Variants in KCNIP4 observed in about 807,000 individuals in gnomAD.
KCNIP4 encodes the protein potassium voltage-gated channel interacting protein 4.
A neutral mutation model predicts 34.0 loss-of-function variants in KCNIP4; 12 were observed. The ratio of observed to expected loss-of-function variants is 0.35; its 90% CI spans 0.23 to 0.57. The LOEUF (loss-of-function observed/expected upper bound fraction) is 0.57. Ranked by LOEUF, KCNIP4 falls within the 20% of genes least tolerant of loss-of-function variation. KCNIP4 has a pLI of 0.83. For missense variants in KCNIP4, 238 were observed against 311.7 expected (o/e 0.76, Z 1.78); for synonymous variants, 124 against 102.2 (o/e 1.21, Z -1.29).
At chr4:21,249,495 G>T (rs1760532616) in intron 1 of KCNIP4, among the ~76,000 whole-genome samples, 2 of 151,872 alleles carry the variant, frequency 1.3e-5, no homozygotes. Flanking sequence ...TATGAATTTT[G>T]GCAAGCAATA....
At position 21,243,807 on chromosome 4, in the gene KCNIP4, A is replaced by C. The variant is rs186673972; in HGVS notation, c.62-361098T>G. ...GATGATTACAAAACCAAAAATCAACAAAAACCCTGTTTCTTGAGAGAGCAT... is the reference window on the plus strand; with the variant it reads ...GATGATTACAAAACCAAAAATCAACCAAAACCCTGTTTCTTGAGAGAGCAT... On this transcript the variant is annotated intron_variant, in intron 1 of 8. Coordinates refer to ENST00000382152, the MANE Select transcript of KCNIP4 (RefSeq NM_025221.6). Among the ~76,000 whole-genome samples, 213 of 152,266 alleles carry C rather than the reference A, an allele frequency of 1.4e-3. 1 individual carries two copies. The highest frequency in any genetic ancestry group is 4.8e-3 in the African/African-American group (198 of 41,564).
intron 1 of KCNIP4, among the ~76,000 whole-genome samples, chr4:20,935,334 T>C (rs962339728): frequency 2.6e-5 from 4 of 152,148 alleles, no homozygotes; most frequent in Admixed American, 6.5e-5. Flanking sequence ...ATGTCCAAAA[T>C]TGATGTCATC....
chr4:20,963,105 G>A (rs1734003255), intron 1 of KCNIP4, among the ~76,000 whole-genome samples: 1 of 152,066 alleles, frequency 6.6e-6, no homozygotes, highest in Non-Finnish European at 1.5e-5. Context: ...CAGATCACTT[G>A]AGGTGAGGGG....
In KCNIP4 at chr4:21,555,658, A is replaced by G. The variant is rs1446957538; in HGVS notation, c.61+392913T>C. Among the ~76,000 whole-genome samples, 3 of 152,156 alleles carry G rather than the reference A, an allele frequency of 2.0e-5. 1 individual carries two copies. Among genetic ancestry groups the G allele is most frequent in the South Asian group, 4.1e-4 (2 of 4,832 alleles). On this transcript the variant is annotated intron_variant, in intron 1 of 8. Transcript: ENST00000382152. ...ATACCTGAATCATTTTCAACAAAAC[A>G]TATGCTCAAATACTGGTGGAGATAA...
intron 1 of KCNIP4, among the ~76,000 whole-genome samples, chr4:20,995,725 C>T (rs1001078664): frequency 1.3e-5 from 2 of 152,204 alleles, no homozygotes; most frequent in African/African-American, 4.8e-5. Flanking sequence ...GCTCAGTAAT[C>T]TCTTCTTTAT....
At chr4:21,337,298 A>T (rs1051043398) in intron 1 of KCNIP4, among the ~76,000 whole-genome samples, 5 of 152,218 alleles carry the variant, frequency 3.3e-5, no homozygotes, top group African/African-American at 7.2e-5. Context: ...TGTGGAATCA[A>T]ATCTGCAAAT....
At chr4:21,554,579 T>C (rs894446928) in intron 1 of KCNIP4, among the ~76,000 whole-genome samples, 3 of 152,160 alleles carry the variant, frequency 2.0e-5, no homozygotes, top group Non-Finnish European at 4.4e-5. Context: ...TGTCTTTTCA[T>C]TATCTTGTGC....
intron 1 of KCNIP4, among the ~76,000 whole-genome samples, chr4:21,648,332 G>A (rs940525131): frequency 8.5e-5 from 13 of 152,154 alleles, no homozygotes; most frequent in African/African-American, 3.1e-4. Flanking sequence ...TGTGGCAAGT[G>A]TTTTAATTTA....
chr4:21,346,804 C>T (rs762097328), intron 1 of KCNIP4, among the ~76,000 whole-genome samples: 32 of 151,888 alleles, frequency 2.1e-4, no homozygotes, highest in Admixed American at 4.6e-4. Context: ...AACAGCAAAA[C>T]TATAACATAC....
intron 1 of KCNIP4, among the ~76,000 whole-genome samples, chr4:21,774,677 T>A (rs1719051721): frequency 6.6e-6 from 1 of 152,130 alleles, no homozygotes; most frequent in Non-Finnish European, 1.5e-5. Context: ...AGAATGCATA[T>A]CTTATTTCAG....
chr4:21,543,473 C>T (rs1043611724), intron 1 of KCNIP4, among the ~76,000 whole-genome samples: 1 of 151,808 alleles, frequency 6.6e-6, no homozygotes, highest in Non-Finnish European at 1.5e-5. Context: ...CCCCATGAAA[C>T]CTAAATTTGC....
chr4:21,359,893 A>T (rs764235584), intron 1 of KCNIP4, among the ~76,000 whole-genome samples: 3 of 152,162 alleles, frequency 2.0e-5, no homozygotes, highest in Non-Finnish European at 2.9e-5. Flanking sequence ...ATGAAGAAAT[A>T]TAATGTAGAA....
intron 1 of KCNIP4, among the ~76,000 whole-genome samples, chr4:21,411,785 C>T (rs1420592762): frequency 6.6e-6 from 1 of 152,124 alleles, no homozygotes; most frequent in Non-Finnish European, 1.5e-5. Context: ...CTGCAGTGAG[C>T]CGTGACCATG....
intron 3 of KCNIP4, among the ~76,000 whole-genome samples, chr4:20,824,242 C>G (rs1366184842): frequency 6.6e-6 from 1 of 152,162 alleles, no homozygotes; most frequent in Non-Finnish European, 1.5e-5. Context: ...TCTATATATA[C>G]TTTTTGCTCA....
At chr4:21,059,207 T>A (rs1743693460) in intron 1 of KCNIP4, among the ~76,000 whole-genome samples, 1 of 152,120 alleles carries the variant, frequency 6.6e-6, no homozygotes. Context: ...ACCACAGAAC[T>A]CCCTGAGGTG....
At chr4:21,394,751 T>C (rs150651140) in intron 1 of KCNIP4, among the ~76,000 whole-genome samples, 49 of 152,322 alleles carry the variant, frequency 3.2e-4, no homozygotes, top group African/African-American at 1.1e-3. Context: ...TGACTTGAAC[T>C]ACCCACAATG....
At chr4:21,808,101 A>T (rs1435861518) in intron 1 of KCNIP4, among the ~76,000 whole-genome samples, 1 of 152,242 alleles carries the variant, frequency 6.6e-6, no homozygotes, top group Non-Finnish European at 1.5e-5. Flanking sequence ...TATGTATATC[A>T]TATATCATAG....
At chr4:21,585,925 A>T (rs1226010852) in intron 1 of KCNIP4, among the ~76,000 whole-genome samples, 1 of 152,086 alleles carries the variant, frequency 6.6e-6, no homozygotes, top group Admixed American at 6.6e-5. Flanking sequence ...AAGAATACTC[A>T]TTGATAAAAT....
intron 3 of KCNIP4, among the ~76,000 whole-genome samples, chr4:20,788,577 A>C (rs1018757340): frequency 6.6e-6 from 1 of 152,186 alleles, no homozygotes; most frequent in Admixed American, 6.6e-5. Flanking sequence ...CATAGAGGTT[A>C]CTGAAAGCAA....
Sources: gnomAD v4.1 joint callset for allele counts (sites outside exome capture counted in the v4.1 genomes callset) on GRCh38, gnomAD v4.1.1 for gene constraint, MANE v1.5 for transcripts, NCBI Gene and HGNC (gene_info 2026-07-23, HGNC 2026-07-21) for gene names.